Variants in PTPRG observed in about 807,000 individuals in gnomAD.
The protein encoded by PTPRG is receptor-type tyrosine-protein phosphatase gamma.
In PTPRG, 102 loss-of-function variants were observed where a neutral mutation model predicts 165.3. The ratio of observed to expected loss-of-function variants is 0.62; its 90% CI spans 0.53 to 0.73. PTPRG has a LOEUF of 0.73. Ranked by LOEUF, PTPRG falls within the 30% of genes least tolerant of loss-of-function variation. The pLI is 0.00. For missense variants in PTPRG, 1,866 were observed against 1,861.4 expected, an observed-to-expected ratio of 1.00 and a Z score of -0.05; for synonymous variants, 675 against 669.5, an observed-to-expected ratio of 1.01 and a Z score of -0.13.
At chr3:61,662,406 G>A (rs1264284327) in intron 1 of PTPRG, among the ~76,000 whole-genome samples, 1 of 152,162 alleles carries the variant, frequency 6.6e-6, no homozygotes, top group Non-Finnish European at 1.5e-5. Flanking sequence ...AGTAAGCCTG[G>A]AAGTGGATCC....
intron 2 of PTPRG, among the ~76,000 whole-genome samples, chr3:61,936,485 A>G (rs2039488134): frequency 6.6e-6 from 1 of 152,202 alleles, no homozygotes. Context: ...TTTACTGTGC[A>G]TCAAATAAAT....
chr3:61,665,796 C>G (rs1247768891), intron 1 of PTPRG, among the ~76,000 whole-genome samples: 1 of 152,006 alleles, frequency 6.6e-6, no homozygotes, highest in African/African-American at 2.4e-5. Context: ...CTACTGTACT[C>G]CAGTCTGGGC....
At chr3:61,691,253 A>G (rs1037512771) in intron 1 of PTPRG, among the ~76,000 whole-genome samples, 9 of 152,168 alleles carry the variant, frequency 5.9e-5, no homozygotes, top group African/African-American at 2.2e-4. Context: ...TCTCTACAAA[A>G]ATAATTAGCT....
intron 2 of PTPRG, among the ~76,000 whole-genome samples, chr3:61,780,332 A>G: frequency 6.6e-6 from 1 of 152,278 alleles, no homozygotes; most frequent in Middle Eastern, 3.4e-3. Context: ...GCAGGCAGCC[A>G]CTTAGGCCCC....
At chr3:62,103,247 C>A (rs1309530347) in intron 5 of PTPRG, among the ~76,000 whole-genome samples, 5 of 116,896 alleles carry the variant, frequency 4.3e-5, no homozygotes, top group Non-Finnish European at 7.2e-5. Context: ...GGAAAGGAAG[C>A]CTGTCTTGTG....
intron 2 of PTPRG, among the ~76,000 whole-genome samples, chr3:61,964,642 G>T (rs928012207): frequency 6.6e-6 from 1 of 152,146 alleles, no homozygotes; most frequent in Admixed American, 6.5e-5. Flanking sequence ...CTCCATTCAT[G>T]TGAAGCTCCT....
intron 2 of PTPRG, among the ~76,000 whole-genome samples, chr3:61,920,751 A>G (rs1399119319): frequency 6.6e-6 from 1 of 152,222 alleles, no homozygotes; most frequent in Non-Finnish European, 1.5e-5. Context: ...AGGAAGGTAC[A>G]GAGATATTCC....
chr3:61,893,896 G>A (rs1224117561), intron 2 of PTPRG, among the ~76,000 whole-genome samples: 1 of 152,128 alleles, frequency 6.6e-6, no homozygotes, highest in African/African-American at 2.4e-5. Context: ...ACTTACTACT[G>A]GGCTAATAGG....
In PTPRG at chr3:62,135,856, C is replaced by T. The variant is rs142270827; in HGVS notation, c.682+3188C>T. On this transcript the variant is annotated intron_variant, in intron 6 of 29. Coordinates refer to ENST00000474889, the MANE Select transcript of PTPRG (RefSeq NM_002841.4). The stretch of plus-strand genomic sequence containing the variant: ...AAGTCTTTGCCAAGCTGTCAGAGAG[C>T]CCCAGAGCAAAGACTGCCCCTGAAA... 2.8e-4 allele frequency among the ~76,000 whole-genome samples: 43 copies of T among 152,236 alleles called. No individual in the cohort carries two copies. The East Asian group carries it at 8.1e-3, about 29-fold the overall frequency.
intron 7 of PTPRG, among the ~76,000 whole-genome samples, chr3:62,164,661 A>G (rs1156857464): frequency 2.0e-5 from 3 of 152,248 alleles, no homozygotes; most frequent in Non-Finnish European, 2.9e-5. Flanking sequence ...CAAGGAAGCC[A>G]CCATGCTTTT....
chr3:62,012,175 G>C (rs2041439125), intron 4 of PTPRG, among the ~76,000 whole-genome samples: 2 of 152,152 alleles, frequency 1.3e-5, no homozygotes, highest in Admixed American at 1.3e-4. Flanking sequence ...AACCTTGTGA[G>C]AGAGGGACTC....
Position 62,064,358 on chromosome 3 carries a change from A to G in PTPRG, c.520-13805A>G, listed in dbSNP as rs536628215. Reference sequence around the variant, plus strand: ...GAGTTGTATGACATTTTTAAAGTCAAATGTGATCACAGTGTATTTATTTTG... The same window carrying G: ...GAGTTGTATGACATTTTTAAAGTCAGATGTGATCACAGTGTATTTATTTTG... On this transcript the variant is annotated intron_variant, in intron 4 of 29. Transcript: ENST00000474889. 9.9e-5 allele frequency among the ~76,000 whole-genome samples: 15 copies of G among 152,252 alleles called. No individual in the cohort carries two copies. In the East Asian group the frequency reaches 2.5e-3, roughly 25 times the overall value.
intron 1 of PTPRG, among the ~76,000 whole-genome samples, chr3:61,730,420 T>C (rs543777260): frequency 7.2e-5 from 11 of 152,368 alleles, no homozygotes; most frequent in Non-Finnish European, 1.5e-4. Flanking sequence ...AGAATGTTTT[T>C]CTAAACTTAT....
intron 1 of PTPRG, among the ~76,000 whole-genome samples, chr3:61,605,039 T>C (rs1459269754): frequency 6.6e-6 from 1 of 152,132 alleles, no homozygotes; most frequent in Admixed American, 6.5e-5. Context: ...AGGCCTTTCT[T>C]GTTGGATCAT....
At chr3:61,840,088 G>A (rs1466406249) in intron 2 of PTPRG, among the ~76,000 whole-genome samples, 1 of 152,112 alleles carries the variant, frequency 6.6e-6, no homozygotes, top group Non-Finnish European at 1.5e-5. Flanking sequence ...ATATTTAGAT[G>A]TGTGCCTGCA....
chr3:62,284,023 C>T (rs564771363), intron 28 of PTPRG, among the ~76,000 whole-genome samples: 1 of 152,202 alleles, frequency 6.6e-6, no homozygotes, highest in African/African-American at 2.4e-5. Context: ...TGCTACTGAA[C>T]TAAAACTTTG....
intron 2 of PTPRG, among the ~76,000 whole-genome samples, chr3:61,939,639 A>G (rs2039564137): frequency 6.6e-6 from 1 of 152,190 alleles, no homozygotes; most frequent in Admixed American, 6.5e-5. Context: ...ATGGTTTGAG[A>G]GTTATATTTA....
intron 4 of PTPRG, among the ~76,000 whole-genome samples, chr3:62,062,160 G>T (rs1009616637): frequency 2.0e-5 from 3 of 152,024 alleles, no homozygotes; most frequent in African/African-American, 7.2e-5. Context: ...TTAGCTGGGC[G>T]TGGTGGCGCG....
intron 1 of PTPRG, among the ~76,000 whole-genome samples, chr3:61,686,166 G>A (rs1003129323): frequency 6.6e-6 from 1 of 152,126 alleles, no homozygotes; most frequent in African/African-American, 2.4e-5. Context: ...CTGAGTGTTA[G>A]AGAACTTAAA....
Sources: allele counts gnomAD v4.1 joint callset (sites outside exome capture counted in the v4.1 genomes callset), GRCh38; gene constraint gnomAD v4.1.1; transcripts MANE v1.5; gene names NCBI Gene and HGNC (gene_info 2026-07-23, HGNC 2026-07-21).